HAPLN3: variants seen among roughly 807,000 people sequenced by gnomAD.
HAPLN3 encodes extracellular link domain containing, 1.
A neutral mutation model predicts 28.1 loss-of-function variants in HAPLN3; 28 were observed. That is an observed-to-expected ratio of 1.00 (90% CI 0.74 to 1.37). HAPLN3 has a LOEUF of 1.37. HAPLN3 is among the 40% of genes most tolerant of loss of function. The pLI is 0.00. For synonymous variants in HAPLN3, 211 were observed against 213.1 expected, an observed-to-expected ratio of 0.99 and a Z score of 0.09; for missense variants, 513 against 504.6, an observed-to-expected ratio of 1.02 and a Z score of -0.16.
intron 1 of HAPLN3, among the ~76,000 whole-genome samples, chr15:88,890,234 A>G (rs1897976423): frequency 6.6e-6 from 1 of 152,186 alleles, no homozygotes; most frequent in Admixed American, 6.5e-5. Flanking sequence ...AGAAATCCCA[A>G]GGCCCAGACC....
At position 88,881,370 on chromosome 15, in the gene HAPLN3, C is replaced by T; in HGVS notation, c.480G>A (p.Glu160=). The change falls in exon 3 of 5, where the codon GAG becomes GAA. Residue 160 remains glutamate, a synonymous_variant. Coordinates refer to ENST00000359595, the MANE Select transcript of HAPLN3 (RefSeq NM_178232.4). This position sits in a 1 kb window ranked among gnomAD's most constrained non-coding sequence, Gnocchi z 6.0. Reference sequence around the variant, plus strand: ...TTAGCATCTCACCCCGCAGCTCCAGCTCCACCAGACCGCTTTCATCCTCCA... The same window carrying T: ...TTAGCATCTCACCCCGCAGCTCCAGTTCCACCAGACCGCTTTCATCCTCCA... The part of the protein sequence containing the change: ...DGLEDESGLV[E]LELRGVVFPY... The T allele has an allele frequency of 6.2e-7, 1 of 1,611,946 alleles. No homozygotes were observed. Among genetic ancestry groups the T allele is most frequent in the Non-Finnish European group, 8.5e-7 (1 of 1,178,904 alleles).
rs949670389 is a variant in HAPLN3 at position 88,877,346 on chromosome 15, G to A, written c.*624C>T. ...ATTGTCCAAAGTACACACACCTGAG[G>A]GCCCCTCCCCACACAGGGAAACAGG... On this transcript the variant is annotated 3_prime_UTR_variant, in exon 5 of 5. Coordinates refer to ENST00000359595, the MANE Select transcript of HAPLN3 (RefSeq NM_178232.4). The surrounding 1 kb of genome is among the most constrained non-coding windows in gnomAD (Gnocchi z 5.1). 2 of 152,916 alleles carry A rather than the reference G, an allele frequency of 1.3e-5. No individual in the cohort carries two copies. Among genetic ancestry groups the A allele is most frequent in the Non-Finnish European group, 2.9e-5 (2 of 68,588 alleles). The allele number at this position is 152,916 out of a possible 1,614,324, so 9.5% of individuals were successfully genotyped here.
intron 2 of HAPLN3, among the ~76,000 whole-genome samples, chr15:88,884,717 C>T (rs111326005): frequency 0.032 from 4,921 of 152,174 alleles, 108 homozygotes; most frequent in Non-Finnish European, 0.049. Flanking sequence ...CTAAGGATGT[C>T]GAGATGGGGA....
chr15:88,879,328 C>T lies in HAPLN3; in HGVS notation c.494-59G>A, dbSNP rs946321922. 1.4e-5 allele frequency: 23 copies of T among 1,598,098 alleles called. No homozygotes were observed. The highest frequency in any genetic ancestry group is 1.9e-5 in the Non-Finnish European group (22 of 1,178,088). On this transcript the variant is annotated intron_variant, in intron 3 of 4. Coordinates refer to ENST00000359595, the MANE Select transcript of HAPLN3 (RefSeq NM_178232.4). The surrounding 1 kb of genome is among the most constrained non-coding windows in gnomAD (Gnocchi z 5.0). The stretch of plus-strand genomic sequence containing the variant: ...GCCAGGGGCCCAGCTGGCTGGACAC[C>T]CCGCTCTCCTCCCACCTTCACTGGG...
chr15:88,883,935 G>T (rs1386903410), intron 2 of HAPLN3, among the ~76,000 whole-genome samples: 1 of 151,946 alleles, frequency 6.6e-6, no homozygotes, highest in Non-Finnish European at 1.5e-5. Flanking sequence ...AAAATTAGCT[G>T]GGCACAGTGG....
In HAPLN3 at chr15:88,887,309, C is replaced by T. The variant is rs1327707731; in HGVS notation, c.-11G>A. The T allele has an allele frequency of 6.2e-7, 1 of 1,613,836 alleles. No homozygotes were observed. The highest frequency in any genetic ancestry group is 8.5e-7 in the Non-Finnish European group (1 of 1,179,812). On this transcript the variant is annotated 5_prime_UTR_variant, in exon 2 of 5. Coordinates refer to ENST00000359595, the MANE Select transcript of HAPLN3 (RefSeq NM_178232.4). The stretch of plus-strand genomic sequence containing the variant: ...GAGCAACAGGCCCATCTCCTCATGC[C>T]AGGGTGACCCGGGCCAGGCTGGGGC...
At chr15:88,884,521 G>A (rs1044248464) in intron 2 of HAPLN3, among the ~76,000 whole-genome samples, 1 of 151,982 alleles carries the variant, frequency 6.6e-6, no homozygotes, top group Non-Finnish European at 1.5e-5. Context: ...CCGAGATCGC[G>A]CCACTGCACT....
intron 2 of HAPLN3, among the ~76,000 whole-genome samples, chr15:88,886,766 A>T (rs188013330): frequency 1.3e-5 from 2 of 152,320 alleles, no homozygotes; most frequent in African/African-American, 2.4e-5. Context: ...CAGAGGTTGC[A>T]GTGAGCCGAG....
intron 2 of HAPLN3, among the ~76,000 whole-genome samples, chr15:88,886,379 AC>A (rs1897855631): frequency 6.7e-6 from 1 of 150,086 alleles, no homozygotes; most frequent in Admixed American, 6.6e-5. Flanking sequence ...GTATATTTTC[AC>A]CCTTGCCTAC....
At chr15:88,883,280 C>G (rs1470854138) in intron 2 of HAPLN3, among the ~76,000 whole-genome samples, 5 of 152,238 alleles carry the variant, frequency 3.3e-5, no homozygotes, top group African/African-American at 1.2e-4. Flanking sequence ...AGGGGACTTT[C>G]AGGCTCATTC....
chr15:88,879,276 G>T lies in HAPLN3; in HGVS notation c.494-7C>A. ...TGGTAAGGAAAGACCACACCTGCAG[G>T]GGAAGGAAAGAGGAGCTTAGGGGGT... On this transcript the variant is annotated splice_region_variant and splice_polypyrimidine_tract_variant and intron_variant, in intron 3 of 4. Transcript: ENST00000359595. This position sits in a 1 kb window ranked among gnomAD's most constrained non-coding sequence, Gnocchi z 5.0. The T allele has an allele frequency of 6.2e-7, 1 of 1,605,434 alleles. No homozygotes were observed. The highest frequency in any genetic ancestry group is 8.5e-7 in the Non-Finnish European group (1 of 1,176,118).
rs1223427117 is a variant in HAPLN3 at position 88,895,465 on chromosome 15, C to T, written c.-54G>A. The T allele has an allele frequency of 6.6e-6, 1 of 152,334 alleles. No homozygotes were observed. Among genetic ancestry groups the T allele is most frequent in the Non-Finnish European group, 1.5e-5 (1 of 68,146 alleles). 9.4% of individuals were successfully genotyped at this position (152,334 alleles called of 1,614,324 possible). A position where few individuals can be genotyped will look rare whatever the true frequency, so the allele number is the denominator to read the frequency against. The stretch of plus-strand genomic sequence containing the variant: ...CGACCCCTAAGCCACGTACCGTCCC[C>T]AGGCAGCTCCTCGACGGCTAGAGCT... On this transcript the variant is annotated 5_prime_UTR_variant, in exon 1 of 5. Transcript: ENST00000359595. The surrounding 1 kb of genome is among the most constrained non-coding windows in gnomAD (Gnocchi z 5.5).
Position 88,887,319 on chromosome 15 carries a change from C to CG in HAPLN3, c.-22dup. ...CCCATCTCCTCATGCCAGGGTGACC[C>CG]GGGCCAGGCTGGGGCCCCAGGGCAA... On this transcript the variant is annotated 5_prime_UTR_variant, in exon 2 of 5. Transcript: ENST00000359595. The CG allele has an allele frequency of 1.2e-6, 2 of 1,613,560 alleles. No homozygotes were observed. Among genetic ancestry groups the CG allele is most frequent in the Non-Finnish European group, 1.7e-6 (2 of 1,179,736 alleles).
chr15:88,884,675 G>A (rs1897797946), intron 2 of HAPLN3, among the ~76,000 whole-genome samples: 1 of 152,208 alleles, frequency 6.6e-6, no homozygotes, highest in Non-Finnish European at 1.5e-5. Flanking sequence ...TCCTAATTAT[G>A]TAGCAAAATG....
Position 88,878,263 on chromosome 15 carries a change from GA to G in HAPLN3, c.797-8del. The stretch of plus-strand genomic sequence containing the variant: ...TCCAGGTAGTACACCCGCCCTGGGG[GA>G]AAGGGGGCGTGAGTGCCGTACAGCG... On this transcript the variant is annotated splice_region_variant and splice_polypyrimidine_tract_variant and intron_variant, in intron 4 of 4. Coordinates refer to ENST00000359595, the MANE Select transcript of HAPLN3 (RefSeq NM_178232.4). The G allele has an allele frequency of 1.2e-6, 2 of 1,606,868 alleles. No individual in the cohort carries two copies. The highest frequency in any genetic ancestry group is 1.7e-6 in the Non-Finnish European group (2 of 1,175,914).
chr15:88,886,931 G>A (rs1377961081), intron 2 of HAPLN3, among the ~76,000 whole-genome samples: 1 of 152,212 alleles, frequency 6.6e-6, no homozygotes, highest in Non-Finnish European at 1.5e-5. Context: ...TTGAACAACT[G>A]GCAAGACTTT....
intron 1 of HAPLN3, among the ~76,000 whole-genome samples, chr15:88,891,960 G>A (rs935900131): frequency 1.3e-5 from 2 of 152,180 alleles, no homozygotes; most frequent in East Asian, 1.9e-4. Flanking sequence ...GTCTCCTTGA[G>A]CAGAGGGGCT....
In HAPLN3 at chr15:88,881,257, A is replaced by C; in HGVS notation, c.493+100T>G. 7.1e-7 allele frequency: 1 copy of C among 1,407,536 alleles called. No individual in the cohort carries two copies. The highest frequency in any genetic ancestry group is 2.3e-5 in the East Asian group (1 of 43,512). The allele number at this position is 1,407,536 out of a possible 1,614,324, so 87.2% of individuals were successfully genotyped here. Reference sequence around the variant, plus strand: ...ATGTGGGTTGTTTTGAGAATTAAGTACTTTTAAATGTCTAAAGCACAGAGG... The same window carrying C: ...ATGTGGGTTGTTTTGAGAATTAAGTCCTTTTAAATGTCTAAAGCACAGAGG... On this transcript the variant is annotated intron_variant, in intron 3 of 4. Coordinates refer to ENST00000359595, the MANE Select transcript of HAPLN3 (RefSeq NM_178232.4). This position sits in a 1 kb window ranked among gnomAD's most constrained non-coding sequence, Gnocchi z 6.0.
chr15:88,887,078 G>A, intron 2 of HAPLN3, 97 bp downstream of exon 2: 1 of 1,347,554 alleles, frequency 7.4e-7, no homozygotes, highest in Non-Finnish European at 1.1e-6. Flanking sequence ...CAGGGCTGCT[G>A]TCCCTGTCCC....
Sources: allele counts gnomAD v4.1 joint callset (sites outside exome capture counted in the v4.1 genomes callset), GRCh38; gene constraint gnomAD v4.1.1; non-coding constraint Gnocchi (gnomAD v3.1); transcripts MANE v1.5; gene names NCBI Gene and HGNC (gene_info 2026-07-23, HGNC 2026-07-21).